Variants in HMGXB4 observed in about 807,000 individuals in gnomAD.
HMGXB4 encodes the protein HMG domain-containing protein 4.
In HMGXB4, 27 loss-of-function variants were observed where a neutral mutation model predicts 63.9. That is an observed-to-expected ratio of 0.42 (90% CI 0.31 to 0.58). The LOEUF (loss-of-function observed/expected upper bound fraction) is 0.58, where lower values mean the gene tolerates loss of function less well. Among genes scored for constraint, HMGXB4 ranks in the 20% least tolerant of loss-of-function variants. The probability of loss-of-function intolerance (pLI) is 0.13; values close to 1 mark genes in which losing one functional copy is unlikely to be tolerated. For missense variants in HMGXB4, 624 were observed against 700.7 expected (o/e 0.89, Z 1.24); for synonymous variants, 264 against 265.3 (o/e 0.99, Z 0.05).
intron 5 of HMGXB4, among the ~76,000 whole-genome samples, chr22:35,276,247 T>G (rs1021037774): frequency 6.6e-6 from 1 of 152,202 alleles, no homozygotes; most frequent in African/African-American, 2.4e-5. Context: ...AGGCTCTACA[T>G]TGAAGGCTGA....
At chr22:35,264,330 A>G (rs772137390) in intron 4 of HMGXB4, among the ~76,000 whole-genome samples, 17 of 152,216 alleles carry the variant, frequency 1.1e-4, no homozygotes, top group Non-Finnish European at 2.4e-4. Context: ...TCTGTCTGCA[A>G]TCTGAATTGT....
chr22:35,256,561 G>C (rs555891510), upstream of HMGXB4, among the ~76,000 whole-genome samples: 4 of 152,172 alleles, frequency 2.6e-5, no homozygotes, highest in South Asian at 8.3e-4. Context: ...GTGCAGTGGC[G>C]CAATCTCGGC....
chr22:35,275,840 A>G (rs1023421427), intron 5 of HMGXB4, among the ~76,000 whole-genome samples: 6 of 152,246 alleles, frequency 3.9e-5, no homozygotes, highest in African/African-American at 1.4e-4. Flanking sequence ...CATGAGTCAC[A>G]TGTAGTTAAG....
At chr22:35,285,813 C>T (rs570020402) in intron 6 of HMGXB4, among the ~76,000 whole-genome samples, 184 bp from the exon 7 acceptor site, 2 of 152,322 alleles carry the variant, frequency 1.3e-5, no homozygotes, top group East Asian at 3.9e-4. Context: ...ACCATCAAAA[C>T]ATCCCCTTCC....
rs543299902 is a variant in HMGXB4 at position 35,276,482 on chromosome 22, C to G, written c.1216-7480C>G. On this transcript the variant is annotated intron_variant, in intron 5 of 10. Transcript: ENST00000216106. Reference sequence around the variant, plus strand: ...TTTATATCTCCTGTCCCACTCACTCCAAGGTATAGGTTCTTAGAGTGGAAT... The same window carrying G: ...TTTATATCTCCTGTCCCACTCACTCGAAGGTATAGGTTCTTAGAGTGGAAT... Among the ~76,000 whole-genome samples, 5 of 152,288 alleles carry G rather than the reference C, an allele frequency of 3.3e-5. No individual in the cohort carries two copies. In the East Asian group the frequency reaches 9.6e-4, roughly 29 times the overall value.
chr22:35,292,675 C>T (rs1043421264), intron 9 of HMGXB4, among the ~76,000 whole-genome samples: 2 of 152,136 alleles, frequency 1.3e-5, no homozygotes, highest in Non-Finnish European at 2.9e-5. Context: ...ACAAATCTTA[C>T]CAACAGCTCT....
rs1924645590 is a variant in HMGXB4, at chr22:35,287,247, C to T, written c.1363-100C>T. The T allele has an allele frequency of 4.3e-6, 4 of 940,952 alleles. No homozygotes were observed. The African/African-American group carries it at 5.0e-5, about 12-fold the overall frequency. The allele number at this position is 940,952 out of a possible 1,614,324, so 58.3% of individuals were successfully genotyped here. A position where few individuals can be genotyped will look rare whatever the true frequency, so the allele number is the denominator to read the frequency against. On this transcript the variant is annotated intron_variant, in intron 7 of 10. Transcript: ENST00000216106. ...TAACCCTCTGTCTGCCCGCCTCTTA[C>T]TATTGCCTTTCTTTTCTCCATTTTG...
At position 35,294,664 on chromosome 22, in the gene HMGXB4, G is replaced by A. The variant is rs1267810308; in HGVS notation, c.*1013G>A. 1 of 152,454 alleles carries A rather than the reference G, an allele frequency of 6.6e-6. No individual in the cohort carries two copies. Among genetic ancestry groups the A allele is most frequent in the East Asian group, 1.9e-4 (1 of 5,188 alleles). The allele number at this position is 152,454 out of a possible 1,614,324, so 9.4% of individuals were successfully genotyped here. On this transcript the variant is annotated 3_prime_UTR_variant, in exon 11 of 11. Transcript: ENST00000216106. ...GTGTGAATGTGTATTTTAATTATGT[G>A]TATTTAACTCTTTAAAATCTCTTAG...
At chr22:35,256,603 G>A (rs558416949), upstream of HMGXB4, among the ~76,000 whole-genome samples, 1 of 152,248 alleles carries the variant, frequency 6.6e-6, no homozygotes, top group Admixed American at 6.5e-5. Context: ...GGGTTCAAGC[G>A]ATTCTCCTGC....
At chr22:35,243,722 T>C in the HMGXB4 span, among the ~76,000 whole-genome samples, 1 of 152,142 alleles carries the variant, frequency 6.6e-6, no homozygotes, top group South Asian at 2.1e-4. Flanking sequence ...TTTTGTATTT[T>C]TAGTAGAGAC....
intron 5 of HMGXB4, among the ~76,000 whole-genome samples, chr22:35,268,512 C>A (rs1923410211): frequency 6.6e-6 from 1 of 151,962 alleles, no homozygotes; most frequent in African/African-American, 2.4e-5. Flanking sequence ...TAATCTTAAT[C>A]TTAAGTAGCA....
At chr22:35,287,072 G>A in intron 7 of HMGXB4, 1 of 335,038 alleles carries the variant, frequency 3.0e-6, no homozygotes, top group South Asian at 3.9e-5. Context: ...GGTTTAATCT[G>A]TGATTTTACA....
chr22:35,283,249 T>G (rs1924372564), intron 5 of HMGXB4, among the ~76,000 whole-genome samples: 1 of 152,182 alleles, frequency 6.6e-6, no homozygotes, highest in Non-Finnish European at 1.5e-5. Context: ...GAACATAGAT[T>G]TGGCTTTTGG....
chr22:35,247,173 C>A, the HMGXB4 span, among the ~76,000 whole-genome samples: 1 of 152,032 alleles, frequency 6.6e-6, no homozygotes, highest in Non-Finnish European at 1.5e-5. Context: ...TATAGACTGT[C>A]TTGAGCTTTG....
At chr22:35,263,725 A>G (rs1441146112) in intron 3 of HMGXB4, 71 bp from the exon 4 acceptor site, 16 of 1,022,680 alleles carry the variant, frequency 1.6e-5, no homozygotes, top group Non-Finnish European at 2.2e-5. Context: ...AAAAATCATC[A>G]AAGACAAGAG....
chr22:35,287,219 C>T (rs1435756638), intron 7 of HMGXB4, 128 bp from the exon 8 acceptor site: 1 of 692,954 alleles, frequency 1.4e-6, no homozygotes, highest in Non-Finnish European at 2.5e-6. Flanking sequence ...TAAAAGTTAG[C>T]ATTAACCCTC....
At chr22:35,254,300 G>A (rs191573473), upstream of HMGXB4, among the ~76,000 whole-genome samples, 42 of 152,310 alleles carry the variant, frequency 2.8e-4, no homozygotes, top group African/African-American at 9.4e-4. Flanking sequence ...GACTAGGCCT[G>A]CCCAGAGGGT....
At chr22:35,269,682 A>G (rs988191509) in intron 5 of HMGXB4, among the ~76,000 whole-genome samples, 4 of 152,236 alleles carry the variant, frequency 2.6e-5, no homozygotes, top group Non-Finnish European at 5.9e-5. Flanking sequence ...TAAGAATAAA[A>G]TGATAGAGTT....
chr22:35,251,712 A>G, the HMGXB4 span, among the ~76,000 whole-genome samples: 7 of 152,212 alleles, frequency 4.6e-5, no homozygotes. Context: ...AAACAGTTTT[A>G]TTGAGGTATA....
Sources: allele counts gnomAD v4.1 joint callset (sites outside exome capture counted in the v4.1 genomes callset), GRCh38; gene constraint gnomAD v4.1.1; transcripts MANE v1.5; gene names NCBI Gene and HGNC (gene_info 2026-07-23, HGNC 2026-07-21).